Variants in FGF12 observed in about 807,000 individuals in gnomAD.
The protein encoded by FGF12 is fibroblast growth factor 12, also known as fibroblast growth factor 12B.
A neutral mutation model predicts 23.6 loss-of-function variants in FGF12; 14 were observed. That is an observed-to-expected ratio of 0.59 (90% CI 0.39 to 0.93). The LOEUF (loss-of-function observed/expected upper bound fraction) is 0.93, where lower values mean the gene tolerates loss of function less well. Ranked by LOEUF, FGF12 falls within the 40% of genes least tolerant of loss-of-function variation. FGF12 has a pLI of 0.00. For missense variants in FGF12, 175 were observed against 217.8 expected (o/e 0.80, Z 1.24); for synonymous variants, 62 against 77.3 (o/e 0.80, Z 1.04).
intron 4 of FGF12, among the ~76,000 whole-genome samples, chr3:192,242,261 G>A (rs1333574981): frequency 2.0e-5 from 3 of 152,140 alleles, no homozygotes; most frequent in Non-Finnish European, 4.4e-5. Context: ...TAGCTGCCAG[G>A]ATATTTCCAC....
intron 2 of FGF12, among the ~76,000 whole-genome samples, chr3:192,614,248 A>AT (rs1714665061): frequency 6.6e-6 from 1 of 151,624 alleles, no homozygotes; most frequent in African/African-American, 2.4e-5. Context: ...GTTAAAGCTA[A>AT]TTTTTTTCTT....
intron 2 of FGF12, among the ~76,000 whole-genome samples, chr3:192,465,952 G>A (rs1313105140): frequency 1.3e-5 from 2 of 152,156 alleles, no homozygotes; most frequent in African/African-American, 2.4e-5. Flanking sequence ...TCAGTGGATA[G>A]TGCAACTATG....
intron 3 of FGF12, among the ~76,000 whole-genome samples, chr3:192,352,518 C>G (rs1026404258): frequency 5.3e-5 from 8 of 152,208 alleles, no homozygotes; most frequent in Admixed American, 1.3e-4. Flanking sequence ...TTCTTCAATA[C>G]CCACCAGTGT....
chr3:192,190,988 G>A (rs1404092251), intron 4 of FGF12, among the ~76,000 whole-genome samples: 1 of 152,020 alleles, frequency 6.6e-6, no homozygotes, highest in African/African-American at 2.4e-5. Context: ...GATTTCTTTA[G>A]GCTATCCTAA....
At chr3:192,687,097 G>A (rs1717773580) in intron 2 of FGF12, among the ~76,000 whole-genome samples, 1 of 150,892 alleles carries the variant, frequency 6.6e-6, no homozygotes, top group African/African-American at 2.4e-5. Flanking sequence ...CCAAAGTGCT[G>A]GGATTACAGG....
At chr3:192,341,934 A>T (rs551914811) in intron 3 of FGF12, among the ~76,000 whole-genome samples, 2 of 98,458 alleles carry the variant, frequency 2.0e-5, no homozygotes, top group African/African-American at 6.9e-5. Context: ...ACTTGTAAAA[A>T]CCTGACTTAG....
chr3:192,188,542 T>C (rs985218863), intron 4 of FGF12, among the ~76,000 whole-genome samples: 3 of 152,226 alleles, frequency 2.0e-5, no homozygotes, highest in Non-Finnish European at 4.4e-5. Context: ...AGTGGACAGT[T>C]GAGAAATAAG....
chr3:192,172,068 T>A (rs1715597601), intron 4 of FGF12, among the ~76,000 whole-genome samples: 1 of 151,980 alleles, frequency 6.6e-6, no homozygotes, highest in Non-Finnish European at 1.5e-5. Context: ...GTTCCAACAT[T>A]ATAGACGAAG....
chr3:192,647,770 CTA>C, intron 2 of FGF12, among the ~76,000 whole-genome samples: 1 of 149,638 alleles, frequency 6.7e-6, no homozygotes, highest in Middle Eastern at 3.5e-3. Context: ...TATACACACA[CTA>C]TATATATACA....
At position 192,514,735 on chromosome 3, in the gene FGF12, A is replaced by C. The variant is rs1724604302; in HGVS notation, c.14-154197T>G. On this transcript the variant is annotated intron_variant, in intron 2 of 5. Coordinates refer to ENST00000445105, the MANE Select transcript of FGF12 (RefSeq NM_004113.6). The surrounding 1 kb of genome is among the most constrained non-coding windows in gnomAD (Gnocchi z 4.9). The stretch of plus-strand genomic sequence containing the variant: ...CTGCAGCATATGCACTCCTTTCTTC[A>C]GAGAAAGCTCAAGAATCTTCATGGA... The C allele has an allele frequency of 1.0e-6, 1 of 985,276 alleles. No individual in the cohort carries two copies. Among genetic ancestry groups the C allele is most frequent in the African/African-American group, 1.7e-5 (1 of 57,234 alleles). The allele number at this position is 985,276 out of a possible 1,614,324, so 61.0% of individuals were successfully genotyped here. A position where few individuals can be genotyped will look rare whatever the true frequency, so the allele number is the denominator to read the frequency against.
At chr3:192,364,302 G>C (rs1343293142) in intron 2 of FGF12, among the ~76,000 whole-genome samples, 1 of 152,166 alleles carries the variant, frequency 6.6e-6, no homozygotes, top group East Asian at 1.9e-4. Context: ...ATATTTTCCA[G>C]TTTATATGAC....
intron 2 of FGF12, among the ~76,000 whole-genome samples, chr3:192,502,847 G>C (rs1553292): frequency 0.91 from 138,445 of 152,332 alleles, 62,955 homozygotes; most frequent in African/African-American, 0.93. Context: ...GAGAGAAGAC[G>C]AAGAGGCTCT....
chr3:192,496,091 A>T (rs996372919), intron 2 of FGF12, among the ~76,000 whole-genome samples: 1 of 152,238 alleles, frequency 6.6e-6, no homozygotes, highest in Non-Finnish European at 1.5e-5. Flanking sequence ...AAAAACCATT[A>T]GCAGCCTCTA....
At chr3:192,321,475 C>G (rs1716531626) in intron 4 of FGF12, among the ~76,000 whole-genome samples, 2 of 137,970 alleles carry the variant, frequency 1.4e-5, no homozygotes, top group Non-Finnish European at 3.1e-5. Context: ...CCCCTGATAC[C>G]AAAACCTGAT....
At chr3:192,606,174 T>C (rs954916617) in intron 2 of FGF12, among the ~76,000 whole-genome samples, 2 of 152,200 alleles carry the variant, frequency 1.3e-5, no homozygotes, top group African/African-American at 4.8e-5. Context: ...ATATATGCCA[T>C]GGAATACTAT....
rs183325263 is a variant in FGF12 at position 192,337,212 on chromosome 3, T to C, written c.125-1748A>G. On this transcript the variant is annotated intron_variant, in intron 3 of 5. Transcript: ENST00000445105. The stretch of plus-strand genomic sequence containing the variant: ...ATGTAATATATGCATTCTATATATA[T>C]ATTCCCTATGTTACAGAAGTTCAGG... 5.3e-5 allele frequency among the ~76,000 whole-genome samples: 8 copies of C among 152,272 alleles called. 1 individual carries two copies. Among genetic ancestry groups the C allele is most frequent in the Middle Eastern group, 6.8e-3 (2 of 294 alleles).
chr3:192,685,501 A>G (rs1717698924), intron 2 of FGF12, among the ~76,000 whole-genome samples: 1 of 152,238 alleles, frequency 6.6e-6, no homozygotes, highest in Non-Finnish European at 1.5e-5. Context: ...CTGTTCTCCA[A>G]GAGCTCGCAA....
chr3:192,518,045 T>C (rs912784161), intron 2 of FGF12, among the ~76,000 whole-genome samples: 1 of 152,180 alleles, frequency 6.6e-6, no homozygotes, highest in African/African-American at 2.4e-5. Context: ...AACATTCATC[T>C]TTTCTCCTTT....
chr3:192,395,962 A>G (rs1486418146), intron 2 of FGF12, among the ~76,000 whole-genome samples: 1 of 152,212 alleles, frequency 6.6e-6, no homozygotes, highest in Non-Finnish European at 1.5e-5. Flanking sequence ...ATGAATGTCA[A>G]GAAGGTTTGG....
Sources: allele counts gnomAD v4.1 joint callset (sites outside exome capture counted in the v4.1 genomes callset), GRCh38; gene constraint gnomAD v4.1.1; non-coding constraint Gnocchi (gnomAD v3.1); transcripts MANE v1.5; gene names NCBI Gene and HGNC (gene_info 2026-07-23, HGNC 2026-07-21).